Variants in CCSER1 observed in about 807,000 individuals in gnomAD.
The protein encoded by CCSER1 is serine-rich coiled-coil domain-containing protein 1.
Under a neutral mutation model 82.0 loss-of-function variants are expected in CCSER1, and 41 were observed. That is an observed-to-expected ratio of 0.50 (90% confidence interval 0.39 to 0.65). The LOEUF (loss-of-function observed/expected upper bound fraction) is 0.65. CCSER1 is among the 30% of genes least tolerant of loss of function. The pLI is 0.00. For synonymous variants in CCSER1, 414 were observed against 383.9 expected (o/e 1.08, Z -0.92); for missense variants, 1,119 against 1,064.2 (o/e 1.05, Z -0.72).
intron 9 of CCSER1, among the ~76,000 whole-genome samples, chr4:90,925,087 T>G (rs1303544015): frequency 6.6e-6 from 1 of 152,158 alleles, no homozygotes; most frequent in Non-Finnish European, 1.5e-5. Flanking sequence ...CCAATATGTG[T>G]TTTACAAATA....
intron 1 of CCSER1, among the ~76,000 whole-genome samples, chr4:90,295,060 A>T (rs1291002586): frequency 1.3e-5 from 2 of 151,948 alleles, no homozygotes; most frequent in Admixed American, 1.3e-4. Flanking sequence ...CTTATATATT[A>T]TGCTGTGGAA....
chr4:91,137,773 C>G (rs1225538009), intron 10 of CCSER1, among the ~76,000 whole-genome samples: 3 of 151,942 alleles, frequency 2.0e-5, no homozygotes, highest in Admixed American at 6.6e-5. Flanking sequence ...AAATCACAAG[C>G]ATTCTTATAC....
intron 10 of CCSER1, among the ~76,000 whole-genome samples, chr4:91,423,745 T>C (rs1753810299): frequency 6.6e-6 from 1 of 152,092 alleles, no homozygotes; most frequent in South Asian, 2.1e-4. Context: ...ATAAAAATAC[T>C]GGTCATCTCC....
intron 10 of CCSER1, among the ~76,000 whole-genome samples, chr4:91,480,148 G>A (rs2110040564): frequency 6.6e-6 from 1 of 151,450 alleles, no homozygotes; most frequent in South Asian, 2.1e-4. Context: ...ATCATTGTTG[G>A]ACATTTGGGT....
chr4:90,633,642 A>G (rs7685003), intron 6 of CCSER1, among the ~76,000 whole-genome samples: 18 of 152,148 alleles, frequency 1.2e-4, no homozygotes, highest in African/African-American at 4.3e-4. Context: ...GAGGAAAAGG[A>G]TAACTATAAA....
At chr4:90,984,334 A>T (rs114892320) in intron 9 of CCSER1, among the ~76,000 whole-genome samples, 1 of 151,798 alleles carries the variant, frequency 6.6e-6, no homozygotes, top group African/African-American at 2.4e-5. Context: ...GTAATAGAGA[A>T]CTTGGATTGG....
At chr4:91,561,082 A>G (rs1240632432) in intron 10 of CCSER1, among the ~76,000 whole-genome samples, 3 of 151,058 alleles carry the variant, frequency 2.0e-5, no homozygotes, top group African/African-American at 7.3e-5. Flanking sequence ...CTCCTAACCT[A>G]TAACAATAGC....
chr4:91,417,041 C>G (rs905851203), intron 10 of CCSER1, among the ~76,000 whole-genome samples: 3 of 151,890 alleles, frequency 2.0e-5, no homozygotes, highest in Non-Finnish European at 4.4e-5. Flanking sequence ...AAAAAATGAG[C>G]AAAGGACATA....
chr4:91,262,792 AT>A (rs1208389927), intron 10 of CCSER1, among the ~76,000 whole-genome samples: 1 of 152,036 alleles, frequency 6.6e-6, no homozygotes, highest in Non-Finnish European at 1.5e-5. Flanking sequence ...CTAACTCAAC[AT>A]TATACGAGTA....
At chr4:91,495,218 A>C (rs887651283) in intron 10 of CCSER1, among the ~76,000 whole-genome samples, 5 of 151,764 alleles carry the variant, frequency 3.3e-5, no homozygotes, top group African/African-American at 4.8e-5. Context: ...GAGGAAAGAC[A>C]GTCATTAAGT....
At chr4:90,330,309 G>T (rs1739049227) in intron 3 of CCSER1, among the ~76,000 whole-genome samples, 1 of 152,108 alleles carries the variant, frequency 6.6e-6, no homozygotes, top group Non-Finnish European at 1.5e-5. Flanking sequence ...GGCTTCAGTT[G>T]GGATGAGACA....
intron 6 of CCSER1, among the ~76,000 whole-genome samples, chr4:90,660,573 C>G (rs1356019806): frequency 6.6e-6 from 1 of 151,902 alleles, no homozygotes; most frequent in African/African-American, 2.4e-5. Flanking sequence ...GCTGTGTAAG[C>G]CATAAAATCA....
At chr4:91,084,403 C>G (rs1404265137) in intron 9 of CCSER1, among the ~76,000 whole-genome samples, 1 of 152,070 alleles carries the variant, frequency 6.6e-6, no homozygotes, top group South Asian at 2.1e-4. Flanking sequence ...CATTTGGTAG[C>G]TACTATATTT....
chr4:91,366,293 T>G (rs1178991665), intron 10 of CCSER1, among the ~76,000 whole-genome samples: 1 of 152,222 alleles, frequency 6.6e-6, no homozygotes, highest in African/African-American at 2.4e-5. Context: ...AGTGCTGGGA[T>G]TACAGGCGTG....
At position 90,308,917 on chromosome 4, in the gene CCSER1, G is replaced by A; in HGVS notation, c.633G>A (p.Leu211=). The change falls in exon 2 of 11, where the codon TTG becomes TTA. Residue 211 remains leucine (L), a synonymous_variant. Transcript: ENST00000509176. ...ISLVQQSEFS[L]EVTQYQEREP... The stretch of plus-strand genomic sequence containing the variant: ...TGGTACAACAGTCTGAATTCTCATT[G>A]GAAGTTACACAGTACCAAGAGAGAG... 6.2e-7 allele frequency: 1 copy of A among 1,613,836 alleles called. No individual in the cohort carries two copies. Among genetic ancestry groups the A allele is most frequent in the Non-Finnish European group, 8.5e-7 (1 of 1,179,822 alleles).
chr4:90,901,402 A>G (rs1195298475), intron 8 of CCSER1, among the ~76,000 whole-genome samples: 1 of 151,932 alleles, frequency 6.6e-6, no homozygotes, highest in Non-Finnish European at 1.5e-5. Context: ...TTTTGTACTT[A>G]TGGGTGCTTT....
At chr4:91,051,296 T>A (rs1178695140) in intron 9 of CCSER1, among the ~76,000 whole-genome samples, 3 of 152,112 alleles carry the variant, frequency 2.0e-5, no homozygotes, top group African/African-American at 7.2e-5. Flanking sequence ...AAATATCAGA[T>A]TTACTAGTTG....
intron 9 of CCSER1, among the ~76,000 whole-genome samples, chr4:90,975,744 G>A (rs1346204260): frequency 6.6e-6 from 1 of 151,206 alleles, no homozygotes; most frequent in African/African-American, 2.4e-5. Context: ...TATTACCAAT[G>A]TGTTTTTACC....
chr4:91,389,776 A>C (rs893362036), intron 10 of CCSER1, among the ~76,000 whole-genome samples: 7 of 152,080 alleles, frequency 4.6e-5, no homozygotes, highest in African/African-American at 7.2e-5. Context: ...AGTTTGCCTC[A>C]TGTAAATCTT....
Sources: allele counts gnomAD v4.1 joint callset (sites outside exome capture counted in the v4.1 genomes callset), GRCh38; gene constraint gnomAD v4.1.1; transcripts MANE v1.5; gene names NCBI Gene and HGNC (gene_info 2026-07-23, HGNC 2026-07-21).